Variants in SEL1L3 observed in about 807,000 individuals in gnomAD.
SEL1L3 encodes protein sel-1 homolog 3.
In SEL1L3, 76 loss-of-function variants were observed where a neutral mutation model predicts 142.8. The observed-to-expected ratio is 0.53, with a 90% CI of 0.44 to 0.64. The LOEUF (loss-of-function observed/expected upper bound fraction) is 0.64, where lower values mean the gene tolerates loss of function less well. Among genes scored for constraint, SEL1L3 ranks in the 30% least tolerant of loss-of-function variants. SEL1L3 has a pLI of 0.00. For synonymous variants in SEL1L3, 504 were observed against 519.6 expected, an observed-to-expected ratio of 0.97 and a Z score of 0.41; for missense variants, 1,262 against 1,381.7, an observed-to-expected ratio of 0.91 and a Z score of 1.37.
chr4:25,792,587 G>A (rs1453824432), intron 11 of SEL1L3, among the ~76,000 whole-genome samples: 1 of 152,208 alleles, frequency 6.6e-6, no homozygotes, highest in Non-Finnish European at 1.5e-5. Context: ...GGAGTTCTCA[G>A]CTGAAGGTTT....
downstream of SEL1L3, among the ~76,000 whole-genome samples, chr4:25,744,348 CTTTTTT>C (rs35155388): frequency 9.9e-6 from 1 of 101,426 alleles, no homozygotes; most frequent in Non-Finnish European, 1.9e-5. Flanking sequence ...ATGTGTGAGT[CTTTTTT>C]TTTTTTTTTT....
At chr4:25,852,811 C>T (rs1441856408) in intron 1 of SEL1L3, among the ~76,000 whole-genome samples, 1 of 152,124 alleles carries the variant, frequency 6.6e-6, no homozygotes, top group African/African-American at 2.4e-5. Context: ...CTCAGCTCTC[C>T]CACTTTGATA....
At chr4:25,823,510 A>G (rs61457441) in intron 6 of SEL1L3, among the ~76,000 whole-genome samples, 5,938 of 152,092 alleles carry the variant, frequency 0.039, 373 homozygotes, top group African/African-American at 0.13. Context: ...GCGAGACTCC[A>G]TGTCAAAATA....
intron 16 of SEL1L3, among the ~76,000 whole-genome samples, chr4:25,778,350 G>T (rs1719775426): frequency 6.6e-6 from 1 of 152,128 alleles, no homozygotes; most frequent in Non-Finnish European, 1.5e-5. Context: ...ATTTAGATAG[G>T]TCTGGACATA....
chr4:25,751,301 G>A (rs1297425279), intron 23 of SEL1L3, among the ~76,000 whole-genome samples: 1 of 152,170 alleles, frequency 6.6e-6, no homozygotes, highest in Non-Finnish European at 1.5e-5. Context: ...GAGTCCTTGG[G>A]TTGTACCCAC....
intron 6 of SEL1L3, among the ~76,000 whole-genome samples, chr4:25,823,537 A>G (rs1402889934): frequency 6.6e-6 from 1 of 152,188 alleles, no homozygotes; most frequent in Non-Finnish European, 1.5e-5. Flanking sequence ...ACAAAAATAA[A>G]TAAATAAAAT....
chr4:25,830,984 G>A, intron 5 of SEL1L3, among the ~76,000 whole-genome samples: 1 of 152,190 alleles, frequency 6.6e-6, no homozygotes, highest in Middle Eastern at 3.2e-3. Flanking sequence ...GAAGCATTAT[G>A]TGTTGTTTGG....
intron 11 of SEL1L3, among the ~76,000 whole-genome samples, chr4:25,791,254 A>C (rs1443372275): frequency 6.6e-6 from 1 of 152,234 alleles, no homozygotes; most frequent in Non-Finnish European, 1.5e-5. Flanking sequence ...GCTATTTCCA[A>C]AAATTAAATC....
chr4:25,815,679 G>A (rs1454783093), intron 9 of SEL1L3, among the ~76,000 whole-genome samples: 2 of 151,904 alleles, frequency 1.3e-5, no homozygotes, highest in Admixed American at 6.6e-5. Context: ...TCCTGTTTGC[G>A]GGTCTTGGGG....
At chr4:25,744,364 T>TTTTTTTTC, downstream of SEL1L3, among the ~76,000 whole-genome samples, 1 of 144,452 alleles carries the variant, frequency 6.9e-6, no homozygotes, top group Non-Finnish European at 1.5e-5. Context: ...TTTTTTTTTT[T>TTTTTTTTC]TTGAGACGGA....
chr4:25,793,804 C>G (rs1352362457), intron 11 of SEL1L3, among the ~76,000 whole-genome samples: 1 of 152,158 alleles, frequency 6.6e-6, no homozygotes, highest in Non-Finnish European at 1.5e-5. Flanking sequence ...GCTAGAATGA[C>G]CTAGGTTCAA....
intron 13 of SEL1L3, among the ~76,000 whole-genome samples, chr4:25,785,966 G>A (rs1711795782): frequency 1.3e-5 from 2 of 152,136 alleles, no homozygotes; most frequent in African/African-American, 4.8e-5. Flanking sequence ...TCAAAAGTGG[G>A]ATGACTTTTC....
rs1412120706 is a variant in SEL1L3 at position 25,782,343 on chromosome 4, A to G, written c.2356T>C (p.Tyr786His). The change falls in exon 15 of 24, where the codon TAC (tyrosine) becomes CAC (histidine). Residue 786 changes from tyrosine (Y) to histidine (H), a missense_variant. By Grantham distance (83) the Tyr-to-His change is moderately conservative (BLOSUM62 2). Coordinates refer to ENST00000399878, the MANE Select transcript of SEL1L3 (RefSeq NM_015187.5). ...CCCATTTCTTCTGCTTTTAACCAGT[A>G]CTTTGCTGCTTTGGCGTAATTTTTC... ...FKKNYAKAAK[Y>H]WLKAEEMGNP... is the part of the protein sequence containing the mutation. The G allele has an allele frequency of 1.2e-6, 2 of 1,613,720 alleles. No individual in the cohort carries two copies. The highest frequency in any genetic ancestry group is 1.7e-5 in the Admixed American group (1 of 60,002).
At position 25,862,728 on chromosome 4, in the gene SEL1L3, G is replaced by T; in HGVS notation, c.109C>A (p.Pro37Thr). The change falls in exon 1 of 24, where the codon CCC becomes ACC. Residue 37 changes from proline (P) to threonine (T), a missense_variant. Physicochemically the swap from Pro to Thr is conservative, Grantham distance 38 (BLOSUM62 -1). This residue lies in a region of SEL1L3 where 689 missense variants were observed against 692.8 expected (regional missense o/e 0.99). Coordinates refer to ENST00000399878, the MANE Select transcript of SEL1L3 (RefSeq NM_015187.5). Reference protein sequence around the residue: ...AAAMVPSGGVPQGLGGRSACA... With the variant: ...AAAMVPSGGVTQGLGGRSACA... ...GCAGAGCGGCCGCCGAGGCCCTGGG[G>T]GACGCCGCCACTCGGGACCATGGCT... The T allele has an allele frequency of 7.8e-7, 1 of 1,280,024 alleles. No homozygotes were observed. Among genetic ancestry groups the T allele is most frequent in the Non-Finnish European group, 9.9e-7 (1 of 1,012,134 alleles). The allele number at this position is 1,280,024 out of a possible 1,614,324, so 79.3% of individuals were successfully genotyped here. A position where few individuals can be genotyped will look rare whatever the true frequency, so the allele number is the denominator to read the frequency against.
the SEL1L3 span, among the ~76,000 whole-genome samples, chr4:25,738,476 C>G: frequency 7.6e-4 from 116 of 152,290 alleles, no homozygotes; most frequent in African/African-American, 2.6e-3. Context: ...TGCTTTCATA[C>G]ATCTCATTAA....
chr4:25,797,264 G>A (rs994486699), intron 11 of SEL1L3, among the ~76,000 whole-genome samples: 22 of 151,998 alleles, frequency 1.4e-4, no homozygotes, highest in African/African-American at 5.1e-4. Context: ...TTTTCCAGGA[G>A]CCTCTGCCTT....
chr4:25,762,266 C>A (rs1247628204), intron 20 of SEL1L3, among the ~76,000 whole-genome samples: 1 of 152,208 alleles, frequency 6.6e-6, no homozygotes, highest in Non-Finnish European at 1.5e-5. Context: ...ACCATTTAGA[C>A]TGTCTGACTC....
the SEL1L3 span, among the ~76,000 whole-genome samples, chr4:25,739,139 G>A: frequency 6.6e-6 from 1 of 152,160 alleles, no homozygotes; most frequent in African/African-American, 2.4e-5. Flanking sequence ...AACCTGGGAG[G>A]CAGAGGTTGC....
chr4:25,808,885 C>T (rs1490731181), intron 9 of SEL1L3, among the ~76,000 whole-genome samples: 5 of 152,224 alleles, frequency 3.3e-5, no homozygotes, highest in East Asian at 1.9e-4. Flanking sequence ...CTGGCTAACA[C>T]GGTGAAACCC....
Sources: gnomAD v4.1 joint callset for allele counts (sites outside exome capture counted in the v4.1 genomes callset) on GRCh38, gnomAD v4.1.1 for gene constraint, gnomAD v4.1.1 regional missense constraint, MANE v1.5 for transcripts, NCBI Gene and HGNC (gene_info 2026-07-23, HGNC 2026-07-21) for gene names.